Variants in QTGAL observed in about 807,000 individuals in gnomAD.
The protein encoded by QTGAL is queuosine-tRNA galactosyltransferase, also known as BGnT-like protein 1.
the QTGAL span, among the ~76,000 whole-genome samples, chr17:82,982,250 C>T: frequency 2.0e-5 from 3 of 152,352 alleles, no homozygotes; most frequent in Admixed American, 6.5e-5. Context: ...GTCAGTTCAT[C>T]TGCGACTTTT....
the QTGAL span, among the ~76,000 whole-genome samples, chr17:82,976,535 C>G: frequency 1.0e-4 from 5 of 48,026 alleles, no homozygotes; most frequent in South Asian, 1.2e-3. Flanking sequence ...GGACAGAGCC[C>G]GACTCCATCC....
the QTGAL span, among the ~76,000 whole-genome samples, chr17:82,965,902 G>C: frequency 2.0e-5 from 3 of 151,844 alleles, no homozygotes; most frequent in Admixed American, 2.0e-4. Context: ...CCACGGGGCC[G>C]ACGTGTCCCT....
chr17:83,046,716 A>T, the QTGAL span, among the ~76,000 whole-genome samples: 1 of 152,248 alleles, frequency 6.6e-6, no homozygotes, highest in Non-Finnish European at 1.5e-5. Flanking sequence ...GAAATTCTAC[A>T]CCAAGGAATA....
chr17:82,956,554 G>A, the QTGAL span: 9 of 962,608 alleles, frequency 9.3e-6, no homozygotes, highest in East Asian at 8.0e-5. The surrounding 1 kb of genome is among the most constrained non-coding windows in gnomAD (Gnocchi z 5.7). Context: ...TGTTGTGGAC[G>A]GCTGTGGCAC....
the QTGAL span, among the ~76,000 whole-genome samples, chr17:82,959,111 G>A: frequency 1.3e-5 from 2 of 151,262 alleles, no homozygotes; most frequent in Non-Finnish European, 2.9e-5. Flanking sequence ...TGGTGTGTGT[G>A]TACACTGTGT....
chr17:83,044,945 CAAA>C, the QTGAL span, among the ~76,000 whole-genome samples: 2 of 131,834 alleles, frequency 1.5e-5, no homozygotes, highest in African/African-American at 5.8e-5. Context: ...GACTCTGTCT[CAAA>C]AAAAAAAAAA....
chr17:83,000,799 G>A, the QTGAL span, among the ~76,000 whole-genome samples: 1 of 152,198 alleles, frequency 6.6e-6, no homozygotes, highest in Non-Finnish European at 1.5e-5. Context: ...GGTCACCACT[G>A]CTGTGAGCGA....
At chr17:83,010,245 C>T in the QTGAL span, among the ~76,000 whole-genome samples, 9 of 152,176 alleles carry the variant, frequency 5.9e-5, no homozygotes, top group Middle Eastern at 0.014. Context: ...TCACCAGCAC[C>T]GGGGGCTTCG....
At chr17:82,956,738 T>C in the QTGAL span, 1 of 1,590,094 alleles carries the variant, frequency 6.3e-7, no homozygotes. This position sits in a 1 kb window ranked among gnomAD's most constrained non-coding sequence, Gnocchi z 5.7. Flanking sequence ...GGCTCGGAAG[T>C]GCAGGATGGG....
chr17:82,985,763 T>C, the QTGAL span, among the ~76,000 whole-genome samples: 3 of 152,172 alleles, frequency 2.0e-5, no homozygotes, highest in African/African-American at 7.2e-5. Flanking sequence ...GCTTCCACAA[T>C]GAATATGGAA....
the QTGAL span, among the ~76,000 whole-genome samples, chr17:83,021,556 C>T: frequency 2.0e-5 from 3 of 152,204 alleles, no homozygotes; most frequent in Admixed American, 6.5e-5. Flanking sequence ...ACTATGTTTA[C>T]GGATTAGAAG....
the QTGAL span, among the ~76,000 whole-genome samples, chr17:82,957,915 C>T: frequency 5.3e-5 from 8 of 152,264 alleles, no homozygotes; most frequent in African/African-American, 1.4e-4. Flanking sequence ...GTCGCTGCCC[C>T]GAACCCTTCC....
the QTGAL span, chr17:82,946,874 C>T: frequency 4.5e-6 from 7 of 1,547,848 alleles, no homozygotes; most frequent in Non-Finnish European, 6.1e-6. Flanking sequence ...GGTGAAAAGA[C>T]CCACCTGGGA....
chr17:83,042,909 A>G, the QTGAL span, among the ~76,000 whole-genome samples: 1 of 152,234 alleles, frequency 6.6e-6, no homozygotes, highest in Non-Finnish European at 1.5e-5. Flanking sequence ...CTGTACTAAT[A>G]TCAGAAAAAA....
the QTGAL span, among the ~76,000 whole-genome samples, chr17:82,976,659 G>A: frequency 1.4e-3 from 12 of 8,334 alleles, no homozygotes; most frequent in South Asian, 3.8e-3. Flanking sequence ...GACAGAGCCG[G>A]ACTCCATCCT....
chr17:82,960,788 G>A, the QTGAL span, among the ~76,000 whole-genome samples: 213 of 152,360 alleles, frequency 1.4e-3, no homozygotes, highest in African/African-American at 4.0e-3. Context: ...GACCCGGCGC[G>A]TGGTCATTTT....
the QTGAL span, among the ~76,000 whole-genome samples, chr17:83,001,210 G>A: frequency 1.3e-5 from 2 of 152,196 alleles, no homozygotes; most frequent in Non-Finnish European, 2.9e-5. Context: ...TACTTTGCAG[G>A]AACTCCAGGG....
the QTGAL span, among the ~76,000 whole-genome samples, chr17:83,037,178 C>T: frequency 6.6e-6 from 1 of 152,176 alleles, no homozygotes; most frequent in Non-Finnish European, 1.5e-5. The surrounding 1 kb of genome is among the most constrained non-coding windows in gnomAD (Gnocchi z 5.2). Context: ...GGGACAGTGG[C>T]CAAGTGTGCA....
chr17:82,952,858 C>T, the QTGAL span, among the ~76,000 whole-genome samples: 1 of 152,194 alleles, frequency 6.6e-6, no homozygotes, highest in Admixed American at 6.5e-5. Flanking sequence ...TTTCAGAACA[C>T]AGTGCAATCG....
Sources: gnomAD v4.1 joint callset for allele counts (sites outside exome capture counted in the v4.1 genomes callset) on GRCh38, gnomAD v4.1.1 for gene constraint, Gnocchi (gnomAD v3.1) non-coding constraint, MANE v1.5 for transcripts, NCBI Gene and HGNC (gene_info 2026-07-23, HGNC 2026-07-21) for gene names.